Variants in UCK2 observed in about 807,000 individuals in gnomAD.
UCK2 encodes uridine-cytidine kinase 2.
Under a neutral mutation model 30.8 loss-of-function variants are expected in UCK2, and 6 were observed. That is an observed-to-expected ratio of 0.19 (90% CI 0.11 to 0.38). The LOEUF (loss-of-function observed/expected upper bound fraction) is 0.38, where lower values mean the gene tolerates loss of function less well. UCK2 is among the 10% of genes least tolerant of loss of function. The pLI, the probability that UCK2 is intolerant of heterozygous loss-of-function variation, is 1.00. For missense variants in UCK2, 210 were observed against 339.8 expected (o/e 0.62, Z 3.00); for synonymous variants, 125 against 133.6 (o/e 0.94, Z 0.45).
intron 1 of UCK2, among the ~76,000 whole-genome samples, chr1:165,858,385 C>G (rs1206557063): frequency 1.3e-5 from 2 of 152,128 alleles, no homozygotes; most frequent in Admixed American, 1.3e-4. Context: ...TCACTACTGC[C>G]CTGGGTGTCC....
rs558842825 is a variant in UCK2, at chr1:165,897,622, C to G, written c.499+1290C>G. Among the ~76,000 whole-genome samples the G allele has an allele frequency of 1.1e-4, 16 of 152,212 alleles. No individual in the cohort carries two copies. The South Asian group carries it at 3.3e-3, about 32-fold the overall frequency. ...GATATTATAAGCTGTATCCCAGGGC[C>G]CTCTGACTTCAAAGTCTGGGTAATT... On this transcript the variant is annotated intron_variant, in intron 4 of 6. Transcript: ENST00000367879.
At chr1:165,901,610 G>T (rs1351484636) in intron 4 of UCK2, among the ~76,000 whole-genome samples, 1 of 152,210 alleles carries the variant, frequency 6.6e-6, no homozygotes, top group Non-Finnish European at 1.5e-5. Flanking sequence ...GCAAATGATT[G>T]TAGATGGATG....
chr1:165,895,990 C>G (rs41268528), intron 3 of UCK2, 200 bp from the exon 4 acceptor site: 8,183 of 625,820 alleles, frequency 0.013, 88 homozygotes, highest in Middle Eastern at 0.023. Context: ...AGACCTTTGT[C>G]CCGGCCGTGA....
intron 1 of UCK2, among the ~76,000 whole-genome samples, chr1:165,841,003 A>G (rs909272458): frequency 6.6e-6 from 1 of 152,132 alleles, no homozygotes; most frequent in African/African-American, 2.4e-5. Context: ...GTTTCTTGAT[A>G]ACCTGCTAGA....
intron 1 of UCK2, among the ~76,000 whole-genome samples, chr1:165,855,088 G>A (rs1557836584): frequency 6.6e-6 from 1 of 152,204 alleles, no homozygotes; most frequent in Non-Finnish European, 1.5e-5. Flanking sequence ...TGTAAGGAGT[G>A]CAGATGGTTA....
At chr1:165,834,125 G>A (rs1331846617) in intron 1 of UCK2, among the ~76,000 whole-genome samples, 1 of 152,044 alleles carries the variant, frequency 6.6e-6, no homozygotes, top group African/African-American at 2.4e-5. Flanking sequence ...TGACCTTGGT[G>A]GTGTTAGTTT....
At chr1:165,893,460 A>G (rs1274190808) in intron 3 of UCK2, among the ~76,000 whole-genome samples, 1 of 152,226 alleles carries the variant, frequency 6.6e-6, no homozygotes, top group Non-Finnish European at 1.5e-5. Flanking sequence ...TTAATTGGAC[A>G]TCGAGCCATT....
At chr1:165,855,373 A>G (rs973688735) in intron 1 of UCK2, among the ~76,000 whole-genome samples, 1 of 152,188 alleles carries the variant, frequency 6.6e-6, no homozygotes, top group African/African-American at 2.4e-5. Flanking sequence ...ATAGCAACAG[A>G]TTCTACTTCC....
At chr1:165,886,837 T>C (rs1320979292) in intron 1 of UCK2, among the ~76,000 whole-genome samples, 1 of 152,114 alleles carries the variant, frequency 6.6e-6, no homozygotes, top group Non-Finnish European at 1.5e-5. Flanking sequence ...ATAGAGAGGA[T>C]GATATAACCA....
intron 1 of UCK2, among the ~76,000 whole-genome samples, chr1:165,845,014 C>T (rs1326487864): frequency 6.6e-6 from 1 of 152,068 alleles, no homozygotes; most frequent in Non-Finnish European, 1.5e-5. Flanking sequence ...GCAAATTAAT[C>T]GAACCTGAGG....
chr1:165,885,822 A>G (rs1655601358), intron 1 of UCK2, among the ~76,000 whole-genome samples: 1 of 152,230 alleles, frequency 6.6e-6, no homozygotes, highest in African/African-American at 2.4e-5. Context: ...AAATGAGATC[A>G]TTTTAAAGTG....
At position 165,872,417 on chromosome 1, in the gene UCK2, G is replaced by A. The variant is rs1471954969; in HGVS notation, c.100-17787G>A. On this transcript the variant is annotated intron_variant, in intron 1 of 6. Transcript: ENST00000367879. Reference sequence around the variant, plus strand: ...AAGATGTTTACCCTCACTTAAAATAGGACAGCAAATTAAACAGACCAAAGG... The same window carrying A: ...AAGATGTTTACCCTCACTTAAAATAAGACAGCAAATTAAACAGACCAAAGG... Among the ~76,000 whole-genome samples the A allele has an allele frequency of 3.3e-5, 5 of 152,066 alleles. No homozygotes were observed. The East Asian group carries it at 7.7e-4, about 23-fold the overall frequency.
At chr1:165,889,471 A>G (rs1655708345) in intron 1 of UCK2, among the ~76,000 whole-genome samples, 1 of 152,116 alleles carries the variant, frequency 6.6e-6, no homozygotes, top group Non-Finnish European at 1.5e-5. Flanking sequence ...TGTCTATACC[A>G]GGGCACAAGC....
chr1:165,881,943 C>G (rs1655510376), intron 1 of UCK2, among the ~76,000 whole-genome samples: 1 of 152,222 alleles, frequency 6.6e-6, no homozygotes, highest in African/African-American at 2.4e-5. Flanking sequence ...AGTCTAACAT[C>G]TGCATCTTTC....
chr1:165,870,896 C>A (rs994934871), intron 1 of UCK2, among the ~76,000 whole-genome samples: 4 of 152,234 alleles, frequency 2.6e-5, no homozygotes, highest in Non-Finnish European at 5.9e-5. Context: ...TGGCTCATTG[C>A]AACCTCCGCC....
chr1:165,897,657 C>T (rs1176330519), intron 4 of UCK2, among the ~76,000 whole-genome samples: 3 of 152,080 alleles, frequency 2.0e-5, no homozygotes, highest in African/African-American at 2.4e-5. Flanking sequence ...TTTCTCTTTT[C>T]GGTTCATGAA....
chr1:165,828,005 G>C, intron 1 of UCK2, 73 bp downstream of exon 1: 3 of 1,164,232 alleles, frequency 2.6e-6, no homozygotes, highest in Non-Finnish European at 3.3e-6. Flanking sequence ...CGGCGGCCGC[G>C]GGCCGTGTCA....
chr1:165,882,588 G>C (rs58675136), intron 1 of UCK2, among the ~76,000 whole-genome samples: 2,295 of 152,276 alleles, frequency 0.015, 57 homozygotes, highest in African/African-American at 0.047. Context: ...TTGGTGTCTG[G>C]TGAGGGCCGC....
chr1:165,861,319 A>G (rs1023697803), intron 1 of UCK2, among the ~76,000 whole-genome samples: 5 of 152,118 alleles, frequency 3.3e-5, no homozygotes, highest in African/African-American at 1.2e-4. Flanking sequence ...CTTTTCATAT[A>G]ATTTGTATCC....
Sources: allele counts gnomAD v4.1 joint callset (sites outside exome capture counted in the v4.1 genomes callset), GRCh38; gene constraint gnomAD v4.1.1; transcripts MANE v1.5; gene names NCBI Gene and HGNC (gene_info 2026-07-23, HGNC 2026-07-21).